TAFA5: variants seen among roughly 807,000 people sequenced by gnomAD.
TAFA5 encodes the protein TAFA chemokine like family member 5, also known as chemokine-like protein TAFA-5.
In TAFA5, 6 loss-of-function variants were observed where a neutral mutation model predicts 15.3. The observed-to-expected ratio is 0.39, with a 90% CI of 0.21 to 0.77. The LOEUF is 0.77. Ranked by LOEUF, TAFA5 falls within the 30% of genes least tolerant of loss-of-function variation. The pLI, the probability that TAFA5 is intolerant of heterozygous loss-of-function variation, is 0.41. For synonymous variants in TAFA5, 103 were observed against 80.7 expected (o/e 1.28, Z -1.48); for missense variants, 161 against 193.1 (o/e 0.83, Z 0.98).
intron 1 of TAFA5, among the ~76,000 whole-genome samples, chr22:48,590,772 G>A (rs902992772): frequency 3.9e-5 from 6 of 152,056 alleles, no homozygotes; most frequent in South Asian, 2.1e-4. Context: ...GTTGGAATCC[G>A]TTGTGACCAG....
At chr22:48,572,318 G>T (rs577644004) in intron 1 of TAFA5, among the ~76,000 whole-genome samples, 1 of 152,340 alleles carries the variant, frequency 6.6e-6, no homozygotes, top group South Asian at 2.1e-4. Context: ...CTTCTCACTT[G>T]ACCATGAGCA....
intron 3 of TAFA5, among the ~76,000 whole-genome samples, chr22:48,723,772 G>A (rs1221658176): frequency 2.0e-5 from 3 of 152,234 alleles, no homozygotes; most frequent in Non-Finnish European, 2.9e-5. Context: ...TGATAAGAAA[G>A]GAAAATGGTG....
At chr22:48,510,950 C>A (rs1261603579) in intron 1 of TAFA5, among the ~76,000 whole-genome samples, 1 of 152,254 alleles carries the variant, frequency 6.6e-6, no homozygotes, top group Non-Finnish European at 1.5e-5. Context: ...GAAGATTTCT[C>A]ACCCCTTCCT....
At chr22:48,659,886 TTAAA>T (rs1268444799) in intron 2 of TAFA5, among the ~76,000 whole-genome samples, 3 of 152,230 alleles carry the variant, frequency 2.0e-5, no homozygotes, top group Non-Finnish European at 4.4e-5. Flanking sequence ...TCAAACTAAA[TTAAA>T]TAACATAATG....
At chr22:48,613,012 C>A (rs1925467731) in intron 1 of TAFA5, among the ~76,000 whole-genome samples, 1 of 152,146 alleles carries the variant, frequency 6.6e-6, no homozygotes, top group Non-Finnish European at 1.5e-5. Flanking sequence ...CCTCTGGCAT[C>A]CCTGGCAGGG....
chr22:48,675,437 C>A (rs1226411600), intron 2 of TAFA5, among the ~76,000 whole-genome samples: 1 of 152,232 alleles, frequency 6.6e-6, no homozygotes, highest in Non-Finnish European at 1.5e-5. Context: ...CTGCTGCCCT[C>A]AGCAAAGCAG....
chr22:48,738,317 T>G (rs756592534), intron 3 of TAFA5, among the ~76,000 whole-genome samples: 6 of 152,196 alleles, frequency 3.9e-5, no homozygotes, highest in Non-Finnish European at 7.3e-5. Context: ...AAGGTACCAC[T>G]GCGTGGATTG....
At chr22:48,700,941 C>T (rs1260809606) in intron 2 of TAFA5, among the ~76,000 whole-genome samples, 1 of 152,202 alleles carries the variant, frequency 6.6e-6, no homozygotes, top group Non-Finnish European at 1.5e-5. Context: ...AGCCCTACTT[C>T]AGGCTGAGAA....
chr22:48,559,128 C>G (rs536918472), intron 1 of TAFA5, among the ~76,000 whole-genome samples: 10 of 152,336 alleles, frequency 6.6e-5, no homozygotes, highest in Admixed American at 3.9e-4. Context: ...GGAGCCCATA[C>G]CAGGAACCCA....
At chr22:48,607,722 C>A (rs564025166) in intron 1 of TAFA5, among the ~76,000 whole-genome samples, 2 of 152,228 alleles carry the variant, frequency 1.3e-5, no homozygotes, top group South Asian at 2.1e-4. Flanking sequence ...GAGTCAAGTG[C>A]AAAATGGGGG....
chr22:48,624,947 AAAAC>A (rs1308269268), intron 1 of TAFA5, among the ~76,000 whole-genome samples: 4 of 152,186 alleles, frequency 2.6e-5, no homozygotes, highest in South Asian at 2.1e-4. Context: ...TAACAATACA[AAAAC>A]AAACAAACAA....
chr22:48,522,253 C>T (rs534306153), intron 1 of TAFA5, among the ~76,000 whole-genome samples: 2 of 150,276 alleles, frequency 1.3e-5, no homozygotes, highest in South Asian at 4.3e-4. Flanking sequence ...GTGGCAGAGC[C>T]TGTGGCAGTT....
At chr22:48,595,856 G>T (rs750572093) in intron 1 of TAFA5, among the ~76,000 whole-genome samples, 2 of 152,248 alleles carry the variant, frequency 1.3e-5, no homozygotes, top group Non-Finnish European at 2.9e-5. Context: ...ATGGTATCTT[G>T]TAGCCTTATT....
chr22:48,540,962 A>T (rs1438047925), intron 1 of TAFA5, among the ~76,000 whole-genome samples: 1 of 151,830 alleles, frequency 6.6e-6, no homozygotes, highest in Non-Finnish European at 1.5e-5. Context: ...CTCTGTGTGG[A>T]CGTGAGGCTC....
chr22:48,645,440 C>T (rs888119283), intron 1 of TAFA5, among the ~76,000 whole-genome samples: 4 of 152,136 alleles, frequency 2.6e-5, no homozygotes, highest in Non-Finnish European at 5.9e-5. Flanking sequence ...CTGTCGGGCC[C>T]TTGCAGAGAC....
intron 1 of TAFA5, among the ~76,000 whole-genome samples, chr22:48,575,196 G>C (rs1045261318): frequency 1.2e-4 from 19 of 152,192 alleles, no homozygotes; most frequent in Non-Finnish European, 2.4e-4. Flanking sequence ...CCCCGCGTCC[G>C]GTCTCCCGCG....
chr22:48,520,618 C>A (rs192321543), intron 1 of TAFA5, among the ~76,000 whole-genome samples: 1 of 152,100 alleles, frequency 6.6e-6, no homozygotes, highest in Non-Finnish European at 1.5e-5. Flanking sequence ...TGGTCCTAGA[C>A]GGATGTGAGG....
At chr22:48,689,457 C>T (rs1233088370) in intron 2 of TAFA5, among the ~76,000 whole-genome samples, 1 of 152,208 alleles carries the variant, frequency 6.6e-6, no homozygotes, top group African/African-American at 2.4e-5. Flanking sequence ...CCTGTACCCT[C>T]AGACCCAGGG....
intron 3 of TAFA5, among the ~76,000 whole-genome samples, chr22:48,734,639 G>C (rs1929957841): frequency 1.3e-5 from 2 of 152,250 alleles, no homozygotes; most frequent in African/African-American, 4.8e-5. Flanking sequence ...ACCATGTTTG[G>C]CAAAGTCCCA....
Sources: allele counts gnomAD v4.1 joint callset (sites outside exome capture counted in the v4.1 genomes callset), GRCh38; gene constraint gnomAD v4.1.1; transcripts MANE v1.5; gene names NCBI Gene and HGNC (gene_info 2026-07-23, HGNC 2026-07-21).